The following WDR33 variants were observed in gnomAD, a reference collection of about 807,000 sequenced individuals.
WDR33 encodes WD repeat domain 33.
A neutral mutation model predicts 164.9 loss-of-function variants in WDR33; 47 were observed. The observed-to-expected ratio is 0.29, with a 90% CI of 0.23 to 0.36. WDR33 has a LOEUF of 0.36. Among genes scored for constraint, WDR33 ranks in the 10% least tolerant of loss-of-function variants. WDR33 has a pLI of 1.00. For synonymous variants in WDR33, 505 were observed against 589.0 expected, an observed-to-expected ratio of 0.86 and a Z score of 2.06; for missense variants, 1,137 against 1,754.1, an observed-to-expected ratio of 0.65 and a Z score of 6.28.
intron 7 of WDR33, among the ~76,000 whole-genome samples, chr2:127,733,904 A>C (rs932083077): frequency 2.0e-5 from 3 of 152,158 alleles, no homozygotes; most frequent in Non-Finnish European, 2.9e-5. Flanking sequence ...TGCAGATGAG[A>C]ACACGGAAGC....
chr2:127,749,174 A>T (rs533615659), intron 7 of WDR33, among the ~76,000 whole-genome samples: 85 of 152,244 alleles, frequency 5.6e-4, no homozygotes, highest in African/African-American at 1.9e-3. Context: ...TGTATCTATT[A>T]AAAATAAAAT....
Position 127,701,507 on chromosome 2 carries a change from T to C in WDR33, c.*4816A>G, listed in dbSNP as rs897357623. 3.9e-6 allele frequency: 5 copies of C among 1,285,654 alleles called. No homozygotes were observed. The highest frequency in any genetic ancestry group is 1.5e-5 in the African/African-American group (1 of 64,936). 79.6% of individuals were successfully genotyped at this position (1,285,654 alleles called of 1,614,324 possible). A position where few individuals can be genotyped will look rare whatever the true frequency, so the allele number is the denominator to read the frequency against. On this transcript the variant is annotated 3_prime_UTR_variant, in exon 22 of 22. Transcript: ENST00000322313. ...CCGGAAGTGAGCCGCAGCTTTTCCT[T>C]TCTGCCACCGCCTTGTCCAAGATGG...
At chr2:127,754,498 A>T (rs758770346) in intron 7 of WDR33, among the ~76,000 whole-genome samples, 1 of 151,992 alleles carries the variant, frequency 6.6e-6, no homozygotes, top group Non-Finnish European at 1.5e-5. Context: ...GGCTCACTGC[A>T]GCCTTGGATT....
Position 127,780,563 on chromosome 2 carries a change from G to A in WDR33, c.-23-9559C>T, listed in dbSNP as rs989703485. ...CTGTTAAAGAATAATCAATGAAGCT[G>A]TTTAAATAAGTAGGTTTTGGCCAGG... On this transcript the variant is annotated intron_variant, in intron 1 of 21. Transcript: ENST00000322313. 3.3e-5 allele frequency among the ~76,000 whole-genome samples: 5 copies of A among 152,314 alleles called. No homozygotes were observed. In the South Asian group the frequency reaches 8.3e-4, roughly 25 times the overall value.
Position 127,701,837 on chromosome 2 carries a change from G to A in WDR33, c.*4486C>T, listed in dbSNP as rs1685893852. Reference sequence around the variant, plus strand: ...CGCTCTACGCACCGGTGTTGCTGCTGCGCGCGCGCAAGTTCGCGCTGCTCT... The same window carrying A: ...CGCTCTACGCACCGGTGTTGCTGCTACGCGCGCGCAAGTTCGCGCTGCTCT... On this transcript the variant is annotated 3_prime_UTR_variant, in exon 22 of 22. Coordinates refer to ENST00000322313, the MANE Select transcript of WDR33 (RefSeq NM_018383.5). The A allele has an allele frequency of 1.4e-6, 2 of 1,458,414 alleles. No individual in the cohort carries two copies. Among genetic ancestry groups the A allele is most frequent in the Admixed American group, 2.4e-5 (1 of 41,008 alleles). 90.3% of individuals were successfully genotyped at this position (1,458,414 alleles called of 1,614,324 possible). A position where few individuals can be genotyped will look rare whatever the true frequency, so the allele number is the denominator to read the frequency against.
chr2:127,711,780 A>ATATTTTTTT, intron 18 of WDR33, among the ~76,000 whole-genome samples: 16 of 88,306 alleles, frequency 1.8e-4, no homozygotes, highest in South Asian at 9.2e-4. Context: ...ATATATATAT[A>ATATTTTTTT]TTTTTTTTTT....
chr2:127,791,100 T>C (rs564309437), intron 1 of WDR33, among the ~76,000 whole-genome samples: 1 of 151,808 alleles, frequency 6.6e-6, no homozygotes, highest in Non-Finnish European at 1.5e-5. Context: ...GTGCTTTCTC[T>C]CAAGAAAATT....
At chr2:127,732,539 CA>C (rs1236871917) in intron 7 of WDR33, among the ~76,000 whole-genome samples, 1 of 152,128 alleles carries the variant, frequency 6.6e-6, no homozygotes, top group East Asian at 1.9e-4. Flanking sequence ...ACAGGCTGGT[CA>C]AACACTTCTT....
intron 7 of WDR33, chr2:127,736,910 T>C (rs1686862250): frequency 1.0e-6 from 1 of 985,386 alleles, no homozygotes; most frequent in Non-Finnish European, 1.2e-6. Flanking sequence ...TTAAAGGCTG[T>C]ATTTAGAAAA....
At position 127,721,261 on chromosome 2, in the gene WDR33, C is replaced by T. The variant is rs6736564; in HGVS notation, c.1671+575G>A. The stretch of plus-strand genomic sequence containing the variant: ...TCACTGGGACCACAGGCATGCACCA[C>T]CATGCCCAGCTAATTTTTGTATTTT... On this transcript the variant is annotated intron_variant, in intron 15 of 21. Transcript: ENST00000322313. This position sits in a 1 kb window ranked among gnomAD's most constrained non-coding sequence, Gnocchi z 4.9. 0.13 allele frequency among the ~76,000 whole-genome samples: 20,017 copies of T among 152,092 alleles called. 1,434 individuals carry two copies. Among genetic ancestry groups the T allele is most frequent in the South Asian group, 0.25 (1,209 of 4,814 alleles).
intron 7 of WDR33, among the ~76,000 whole-genome samples, chr2:127,744,680 C>T (rs185868434): frequency 1.3e-5 from 2 of 152,282 alleles, no homozygotes; most frequent in African/African-American, 4.8e-5. Context: ...TTGTAAAAGG[C>T]AGAAGTTCTC....
intron 18 of WDR33, among the ~76,000 whole-genome samples, chr2:127,711,511 T>C (rs542043374): frequency 6.6e-6 from 1 of 150,654 alleles, no homozygotes; most frequent in African/African-American, 2.4e-5. Context: ...ATTACGCAGA[T>C]GTAAAGCTCT....
At chr2:127,740,889 C>T (rs1363357691) in intron 7 of WDR33, among the ~76,000 whole-genome samples, 1 of 152,208 alleles carries the variant, frequency 6.6e-6, no homozygotes, top group Non-Finnish European at 1.5e-5. Context: ...ATGTTGGCTA[C>T]AAATTTTAGG....
intron 1 of WDR33, among the ~76,000 whole-genome samples, chr2:127,772,525 C>T (rs1371639714): frequency 6.6e-6 from 1 of 152,040 alleles, no homozygotes; most frequent in Non-Finnish European, 1.5e-5. Context: ...TCATTAAATG[C>T]TCTTTAAAAT....
chr2:127,712,455 A>G lies in WDR33; in HGVS notation c.3308+1128T>C, dbSNP rs957387447. 6.6e-6 allele frequency among the ~76,000 whole-genome samples: 1 copy of G among 152,074 alleles called. No individual in the cohort carries two copies. The highest frequency in any genetic ancestry group is 1.5e-5 in the Non-Finnish European group (1 of 68,014). On this transcript the variant is annotated intron_variant, in intron 18 of 21. Coordinates refer to ENST00000322313, the MANE Select transcript of WDR33 (RefSeq NM_018383.5). This position sits in a 1 kb window ranked among gnomAD's most constrained non-coding sequence, Gnocchi z 4.0. Reference sequence around the variant, plus strand: ...GGACACGGAAGGCTAAGGAGTAATCAGAGACTATAGTAAAAGCTGAAGTGC... The same window carrying G: ...GGACACGGAAGGCTAAGGAGTAATCGGAGACTATAGTAAAAGCTGAAGTGC...
intron 18 of WDR33, among the ~76,000 whole-genome samples, chr2:127,711,892 C>G (rs1393267272): frequency 3.3e-5 from 5 of 150,278 alleles, no homozygotes; most frequent in Non-Finnish European, 7.4e-5. Flanking sequence ...CCTGCCTCAG[C>G]CTTCCGAGTA....
intron 8 of WDR33, 124 bp from the exon 9 acceptor site, chr2:127,725,339 G>A (rs780996134): frequency 1.1e-6 from 1 of 918,194 alleles, no homozygotes; most frequent in Non-Finnish European, 1.6e-6. Flanking sequence ...AATAAAGCCT[G>A]TAACATTAAA....
At chr2:127,802,679 TA>T (rs1245833947) in intron 1 of WDR33, among the ~76,000 whole-genome samples, 1 of 152,128 alleles carries the variant, frequency 6.6e-6, no homozygotes, top group Admixed American at 6.6e-5. Flanking sequence ...AATAACGTAT[TA>T]AAAAAACTAA....
In WDR33 at chr2:127,791,135, G is replaced by T. The variant is rs1688827789; in HGVS notation, c.-24+19877C>A. 2.7e-5 allele frequency among the ~76,000 whole-genome samples: 4 copies of T among 150,138 alleles called. 1 individual carries two copies. The South Asian group carries it at 6.4e-4, about 24-fold the overall frequency. On this transcript the variant is annotated intron_variant, in intron 1 of 21. Transcript: ENST00000322313. ...TGCCCTACTTCTATAAATAGCAAAA[G>T]TACTTTATCCAAACTCTTTCCCCAC...
Sources: allele counts gnomAD v4.1 joint callset (sites outside exome capture counted in the v4.1 genomes callset), GRCh38; gene constraint gnomAD v4.1.1; non-coding constraint Gnocchi (gnomAD v3.1); transcripts MANE v1.5; gene names NCBI Gene and HGNC (gene_info 2026-07-23, HGNC 2026-07-21).